PHACTR3: variants seen among roughly 807,000 people sequenced by gnomAD.
PHACTR3 encodes the protein phosphatase and actin regulator 3, also known as protein phosphatase 1, regulatory subunit 123.
Under a neutral mutation model 66.8 loss-of-function variants are expected in PHACTR3, and 16 were observed. The ratio of observed to expected loss-of-function variants is 0.24; its 90% confidence interval spans 0.16 to 0.36. The LOEUF is 0.36. Among genes scored for constraint, PHACTR3 ranks in the 10% least tolerant of loss-of-function variants. The pLI, the probability that PHACTR3 is intolerant of heterozygous loss-of-function variation, is 1.00. For synonymous variants in PHACTR3, 323 were observed against 292.1 expected (o/e 1.11, Z -1.08); for missense variants, 647 against 719.9 (o/e 0.90, Z 1.16).
At chr20:59,752,348 C>A (rs904956198) in intron 3 of PHACTR3, among the ~76,000 whole-genome samples, 7 of 152,232 alleles carry the variant, frequency 4.6e-5, no homozygotes, top group African/African-American at 1.7e-4. Context: ...TGCACTGCCC[C>A]GCGCTCCCCT....
intron 1 of PHACTR3, 95 bp from the exon 2 acceptor site, chr20:59,743,012 G>A (rs2039223730): frequency 2.9e-6 from 4 of 1,382,742 alleles, no homozygotes; most frequent in Non-Finnish European, 4.0e-6. Context: ...GGGATCACTG[G>A]TGACCCCTTA....
chr20:59,621,317 G>A (rs1027775572), intron 1 of PHACTR3, among the ~76,000 whole-genome samples: 2 of 152,252 alleles, frequency 1.3e-5, no homozygotes, highest in African/African-American at 4.8e-5. Context: ...AGGTGGCAGA[G>A]TTGGGGCTTG....
At chr20:59,836,224 G>T (rs2296764) in intron 8 of PHACTR3, 1 of 391,196 alleles carries the variant, frequency 2.6e-6, no homozygotes, top group Non-Finnish European at 4.5e-6. Context: ...GACCAGGCAA[G>T]GTTTGGGCGA....
In PHACTR3 at chr20:59,829,464, G is replaced by C. The variant is rs1238840691; in HGVS notation, c.1329-7041G>C. Reference sequence around the variant, plus strand: ...CACACCCACATTGCTCTGACGCTCTGAGACATAGGGTCAATGTGCCTGTCA... The same window carrying C: ...CACACCCACATTGCTCTGACGCTCTCAGACATAGGGTCAATGTGCCTGTCA... On this transcript the variant is annotated intron_variant, in intron 8 of 12. Transcript: ENST00000371015. The surrounding 1 kb of genome is among the most constrained non-coding windows in gnomAD (Gnocchi z 4.2). Among the ~76,000 whole-genome samples the C allele has an allele frequency of 1.3e-5, 2 of 152,172 alleles. No individual in the cohort carries two copies. Among genetic ancestry groups the C allele is most frequent in the African/African-American group, 4.8e-5 (2 of 41,430 alleles).
chr20:59,801,512 A>T (rs917410399), intron 7 of PHACTR3, among the ~76,000 whole-genome samples: 2 of 152,216 alleles, frequency 1.3e-5, no homozygotes, highest in African/African-American at 4.8e-5. Context: ...TAGAGAATAA[A>T]GTTAGGCTCT....
intron 1 of PHACTR3, among the ~76,000 whole-genome samples, chr20:59,586,355 C>T (rs2033027838): frequency 6.6e-6 from 1 of 152,358 alleles, no homozygotes; most frequent in East Asian, 1.9e-4. Context: ...GCACATTCTC[C>T]GTCTTCCATG....
At chr20:59,691,665 C>CT (rs1568716875) in intron 1 of PHACTR3, among the ~76,000 whole-genome samples, 1 of 151,914 alleles carries the variant, frequency 6.6e-6, no homozygotes, top group Non-Finnish European at 1.5e-5. Flanking sequence ...ATCTTATTTG[C>CT]TATATGTCTT....
chr20:59,818,478 A>G (rs1356066652), intron 8 of PHACTR3, among the ~76,000 whole-genome samples: 1 of 152,212 alleles, frequency 6.6e-6, no homozygotes, highest in African/African-American at 2.4e-5. Context: ...TGCTTCACGC[A>G]CTTTAAGTGT....
At chr20:59,631,611 C>T (rs752364910) in intron 1 of PHACTR3, among the ~76,000 whole-genome samples, 3 of 152,096 alleles carry the variant, frequency 2.0e-5, no homozygotes, top group East Asian at 1.9e-4. Context: ...AAGAAAAACC[C>T]GAACATCCTT....
chr20:59,735,226 T>A (rs1394927880), intron 1 of PHACTR3, among the ~76,000 whole-genome samples: 3 of 152,162 alleles, frequency 2.0e-5, no homozygotes, highest in Non-Finnish European at 2.9e-5. Flanking sequence ...CCTCCATAAA[T>A]ACATGAGCTT....
intron 4 of PHACTR3, among the ~76,000 whole-genome samples, chr20:59,762,329 T>G (rs528804536): frequency 4.6e-5 from 7 of 152,388 alleles, no homozygotes; most frequent in African/African-American, 1.7e-4. Flanking sequence ...ACCCTGTGCC[T>G]TAAGGCAGTG....
intron 1 of PHACTR3, among the ~76,000 whole-genome samples, chr20:59,686,673 G>A (rs2036879967): frequency 6.6e-6 from 1 of 150,620 alleles, no homozygotes. Context: ...TGATGATGGT[G>A]ATGATGATGG....
intron 7 of PHACTR3, among the ~76,000 whole-genome samples, chr20:59,782,056 C>T (rs2040743729): frequency 6.6e-6 from 1 of 152,188 alleles, no homozygotes; most frequent in Non-Finnish European, 1.5e-5. Context: ...TAGACACAGT[C>T]TCCAACCCTC....
chr20:59,790,962 G>A (rs750646808), intron 7 of PHACTR3, among the ~76,000 whole-genome samples: 5 of 152,178 alleles, frequency 3.3e-5, no homozygotes, highest in Non-Finnish European at 5.9e-5. Context: ...TCTGGTCTCA[G>A]CTATGACCTG....
Position 59,734,627 on chromosome 20 carries a change from A to AGT in PHACTR3, c.119-8467_119-8466dup, listed in dbSNP as rs139915514. Among the ~76,000 whole-genome samples the AGT allele has an allele frequency of 1.7e-3, 256 of 151,834 alleles. 4 individuals carry two copies. Among genetic ancestry groups the AGT allele is most frequent in the African/African-American group, 2.1e-3 (86 of 41,470 alleles). ...ATGAACATAGATGATTGCTTTGTGT[A>AGT]GTGTGTGTGTGTGTTGGCCATTACT... is the stretch of plus-strand genomic sequence containing the variant. On this transcript the variant is annotated intron_variant, in intron 1 of 12. Transcript: ENST00000371015.
intron 1 of PHACTR3, among the ~76,000 whole-genome samples, chr20:59,631,779 C>A (rs551679649): frequency 1.3e-5 from 2 of 152,240 alleles, no homozygotes; most frequent in Admixed American, 1.3e-4. Context: ...CTGCATTGTC[C>A]TCATTTTTCA....
intron 12 of PHACTR3, among the ~76,000 whole-genome samples, chr20:59,846,301 C>G (rs2059144911): frequency 6.6e-6 from 1 of 152,060 alleles, no homozygotes; most frequent in African/African-American, 2.4e-5. Context: ...AATGGAATTC[C>G]ACCTTAACCA....
At chr20:59,835,002 T>C (rs771137250) in intron 8 of PHACTR3, among the ~76,000 whole-genome samples, 14 of 152,212 alleles carry the variant, frequency 9.2e-5, no homozygotes, top group Non-Finnish European at 1.9e-4. Context: ...CCTTCAAAGC[T>C]GTCCTGAGCT....
intron 8 of PHACTR3, among the ~76,000 whole-genome samples, chr20:59,809,648 G>T (rs773808427): frequency 6.6e-6 from 1 of 152,048 alleles, no homozygotes; most frequent in Non-Finnish European, 1.5e-5. Flanking sequence ...CAAAAGTTTT[G>T]ATTTTTAAGG....
Sources: gnomAD v4.1 joint callset for allele counts (sites outside exome capture counted in the v4.1 genomes callset) on GRCh38, gnomAD v4.1.1 for gene constraint, Gnocchi (gnomAD v3.1) non-coding constraint, MANE v1.5 for transcripts, NCBI Gene and HGNC (gene_info 2026-07-23, HGNC 2026-07-21) for gene names.